FBXW2: variants seen among roughly 807,000 people sequenced by gnomAD.
FBXW2 encodes the protein F-box and WD repeat domain containing 2, also known as F-box/WD repeat-containing protein 2.
Under a neutral mutation model 46.0 loss-of-function variants are expected in FBXW2, and 12 were observed. The observed-to-expected ratio is 0.26, with a 90% CI of 0.17 to 0.42. FBXW2 has a LOEUF of 0.42. Among genes scored for constraint, FBXW2 ranks in the 10% least tolerant of loss-of-function variants. The pLI is 1.00. For synonymous variants in FBXW2, 203 were observed against 209.6 expected (o/e 0.97, Z 0.27); for missense variants, 360 against 537.0 (o/e 0.67, Z 3.26).
At chr9:120,774,320 A>G (rs1042929345) in intron 5 of FBXW2, among the ~76,000 whole-genome samples, 3 of 146,306 alleles carry the variant, frequency 2.1e-5, no homozygotes, top group Non-Finnish European at 4.5e-5. Context: ...CTGCGCAACA[A>G]GAGTGAAACT....
At chr9:120,770,244 C>T (rs981402480) in intron 7 of FBXW2, among the ~76,000 whole-genome samples, 6 of 151,974 alleles carry the variant, frequency 3.9e-5, no homozygotes, top group East Asian at 1.9e-4. Flanking sequence ...GGCATGGTGG[C>T]GGGCGCCTGT....
chr9:120,775,056 T>C (rs1448531991), intron 5 of FBXW2, among the ~76,000 whole-genome samples: 4 of 151,958 alleles, frequency 2.6e-5, no homozygotes, highest in Admixed American at 6.6e-5. Flanking sequence ...CTAATTACTT[T>C]CCTATACTTT....
chr9:120,775,519 T>C (rs780205661), intron 5 of FBXW2, among the ~76,000 whole-genome samples: 5 of 152,188 alleles, frequency 3.3e-5, no homozygotes, highest in Admixed American at 6.5e-5. Context: ...CCTCATAGAA[T>C]GGGATGGTAA....
intron 3 of FBXW2, among the ~76,000 whole-genome samples, chr9:120,780,354 C>CA (rs564191309): frequency 0.042 from 2,712 of 65,186 alleles, 81 homozygotes; most frequent in African/African-American, 0.12. Flanking sequence ...GACTCTGTTT[C>CA]AAAAAAAAAA....
chr9:120,791,176 T>G (rs1315965539), intron 2 of FBXW2, among the ~76,000 whole-genome samples: 1 of 152,220 alleles, frequency 6.6e-6, no homozygotes, highest in East Asian at 1.9e-4. Context: ...TGGACTCTTT[T>G]AGGCAGCCTC....
chr9:120,767,823 C>T lies in FBXW2; in HGVS notation c.1077-2976G>A, dbSNP rs541665483. Among the ~76,000 whole-genome samples the T allele has an allele frequency of 3.9e-5, 6 of 152,342 alleles. No homozygotes were observed. In the South Asian group the frequency reaches 1.0e-3, roughly 26 times the overall value. On this transcript the variant is annotated intron_variant, in intron 7 of 7. Coordinates refer to ENST00000608872, the MANE Select transcript of FBXW2 (RefSeq NM_012164.4). ...CTCATTCAAATCACAAATTCGATCA[C>T]CAAGCTCTATTGATTTTATGCCCTA... is the stretch of plus-strand genomic sequence containing the variant.
At position 120,789,403 on chromosome 9, in the gene FBXW2, C is replaced by T. The variant is rs1025401676; in HGVS notation, c.-20-1125G>A. Reference sequence around the variant, plus strand: ...TTAAAGTATCCTGTATTAGTGTCAACAGGTGTTAATTCACTCTTAATGAGG... The same window carrying T: ...TTAAAGTATCCTGTATTAGTGTCAATAGGTGTTAATTCACTCTTAATGAGG... On this transcript the variant is annotated intron_variant, in intron 2 of 7. Coordinates refer to ENST00000608872, the MANE Select transcript of FBXW2 (RefSeq NM_012164.4). 2.0e-5 allele frequency among the ~76,000 whole-genome samples: 3 copies of T among 152,128 alleles called. No individual in the cohort carries two copies. The South Asian group carries it at 6.2e-4, about 32-fold the overall frequency.
intron 5 of FBXW2, 102 bp downstream of exon 5, chr9:120,775,991 C>T: frequency 7.1e-7 from 1 of 1,403,344 alleles, no homozygotes; most frequent in Non-Finnish European, 9.7e-7. Context: ...ACAGCAATTC[C>T]ATCTTATGAC....
intron 4 of FBXW2, among the ~76,000 whole-genome samples, chr9:120,778,070 G>C (rs1341793428): frequency 6.6e-6 from 1 of 151,784 alleles, no homozygotes; most frequent in Non-Finnish European, 1.5e-5. Flanking sequence ...AAACAGGAGG[G>C]GGGAGAGAGA....
intron 2 of FBXW2, among the ~76,000 whole-genome samples, chr9:120,790,248 G>T (rs2044807446): frequency 6.6e-6 from 1 of 152,176 alleles, no homozygotes; most frequent in South Asian, 2.1e-4. Context: ...TGAGACTGAG[G>T]TGGGCTCGGC....
At chr9:120,780,039 G>A (rs956386782) in intron 3 of FBXW2, among the ~76,000 whole-genome samples, 4 of 151,730 alleles carry the variant, frequency 2.6e-5, no homozygotes, top group Admixed American at 6.6e-5. Context: ...TCGGAAGGCT[G>A]AGGCATGAGA....
rs889302820 is a variant in FBXW2, at chr9:120,757,572, T to A, written c.*6987A>T. On this transcript the variant is annotated 3_prime_UTR_variant, in exon 8 of 8. Transcript: ENST00000608872. Reference sequence around the variant, plus strand: ...GTTGTAAAAACCTAAAGCACATTTTTGAGAATGTATTACAAAACAATGATT... The same window carrying A: ...GTTGTAAAAACCTAAAGCACATTTTAGAGAATGTATTACAAAACAATGATT... The A allele has an allele frequency of 7.9e-5, 12 of 152,208 alleles. No individual in the cohort carries two copies. The highest frequency in any genetic ancestry group is 2.7e-4 in the African/African-American group (11 of 41,448). 9.4% of individuals were successfully genotyped at this position (152,208 alleles called of 1,614,324 possible).
intron 6 of FBXW2, among the ~76,000 whole-genome samples, chr9:120,772,511 A>AAT (rs1564453360): frequency 1.3e-5 from 2 of 152,258 alleles, no homozygotes; most frequent in East Asian, 3.9e-4. Flanking sequence ...CAACAACAAA[A>AAT]ATTAAGAATA....
intron 7 of FBXW2, 104 bp from the exon 8 acceptor site, chr9:120,764,951 C>A: frequency 2.1e-6 from 2 of 937,520 alleles, no homozygotes; most frequent in African/African-American, 1.6e-5. Flanking sequence ...TAAATTCAAG[C>A]AAATTTAGAG....
chr9:120,792,917 G>A, intron 2 of FBXW2: 2 of 1,528,216 alleles, frequency 1.3e-6, no homozygotes, highest in Non-Finnish European at 1.8e-6. Flanking sequence ...CAATTATGGC[G>A]CAGTATAGCG....
chr9:120,784,500 T>C (rs1015322286), intron 3 of FBXW2, among the ~76,000 whole-genome samples: 7 of 151,234 alleles, frequency 4.6e-5, no homozygotes, highest in African/African-American at 1.7e-4. Context: ...TAGTCCCAGC[T>C]AAACCCGGGA....
At chr9:120,782,260 G>C (rs1024258274) in intron 3 of FBXW2, among the ~76,000 whole-genome samples, 2 of 151,742 alleles carry the variant, frequency 1.3e-5, no homozygotes, top group African/African-American at 2.4e-5. Context: ...GAGGTCAGGA[G>C]TTTGAGACCA....
chr9:120,785,057 G>A (rs569561089), intron 3 of FBXW2, among the ~76,000 whole-genome samples: 1 of 150,506 alleles, frequency 6.6e-6, no homozygotes, highest in South Asian at 2.1e-4. Flanking sequence ...TGCCCAGGCT[G>A]GAGTGCAGTG....
At chr9:120,791,926 T>C (rs2044851686) in intron 2 of FBXW2, among the ~76,000 whole-genome samples, 1 of 152,094 alleles carries the variant, frequency 6.6e-6, no homozygotes, top group Non-Finnish European at 1.5e-5. Context: ...ACTCCTAAAT[T>C]GGAAAATGAG....
Sources: gnomAD v4.1 joint callset for allele counts (sites outside exome capture counted in the v4.1 genomes callset) on GRCh38, gnomAD v4.1.1 for gene constraint, MANE v1.5 for transcripts, NCBI Gene and HGNC (gene_info 2026-07-23, HGNC 2026-07-21) for gene names.